SLC44A5: variants seen among roughly 807,000 people sequenced by gnomAD.
SLC44A5 encodes solute carrier family 44 member 5.
A neutral mutation model predicts 101.8 loss-of-function variants in SLC44A5; 57 were observed. The ratio of observed to expected loss-of-function variants is 0.56; its 90% CI spans 0.45 to 0.70. The LOEUF is 0.70. Ranked by LOEUF, SLC44A5 falls within the 30% of genes least tolerant of loss-of-function variation. The pLI, the probability that SLC44A5 is intolerant of heterozygous loss-of-function variation, is 0.00. For missense variants in SLC44A5, 737 were observed against 853.1 expected (o/e 0.86, Z 1.70); for synonymous variants, 281 against 290.9 (o/e 0.97, Z 0.35).
At chr1:75,452,358 T>C (rs1222777102) in intron 2 of SLC44A5, among the ~76,000 whole-genome samples, 1 of 152,072 alleles carries the variant, frequency 6.6e-6, no homozygotes, top group African/African-American at 2.4e-5. Context: ...ACTAAGGGAA[T>C]TTGCTATCAC....
At chr1:75,317,630 G>A (rs542551501) in intron 4 of SLC44A5, among the ~76,000 whole-genome samples, 2 of 152,114 alleles carry the variant, frequency 1.3e-5, no homozygotes, top group African/African-American at 4.8e-5. Context: ...AAATACCATA[G>A]GCTAGTTGGT....
intron 2 of SLC44A5, among the ~76,000 whole-genome samples, chr1:75,440,703 G>A (rs1052203766): frequency 2.0e-5 from 3 of 152,062 alleles, no homozygotes; most frequent in African/African-American, 7.2e-5. Flanking sequence ...TCTAGATTAT[G>A]GTAAACACGG....
chr1:75,340,602 C>T (rs765986340), intron 3 of SLC44A5, among the ~76,000 whole-genome samples: 2 of 152,202 alleles, frequency 1.3e-5, no homozygotes, highest in Non-Finnish European at 1.5e-5. Context: ...TTTAAGTCTA[C>T]TTTATCTGAG....
chr1:75,428,494 G>A (rs887520816), intron 2 of SLC44A5, among the ~76,000 whole-genome samples: 7 of 152,136 alleles, frequency 4.6e-5, no homozygotes, highest in South Asian at 2.1e-4. Context: ...CTCATGAAAT[G>A]TCTGCTAACT....
chr1:75,242,869 A>G lies in SLC44A5; in HGVS notation c.471+17T>C, dbSNP rs1225462776. On this transcript the variant is annotated intron_variant, in intron 8 of 23. Coordinates refer to ENST00000370859, the MANE Select transcript of SLC44A5 (RefSeq NM_001130058.2). ...AAAGTTAAATTGTTCTCTTGCTTTA[A>G]GCTTAAACACACATACCTTCACAGG... is the stretch of plus-strand genomic sequence containing the variant. 3 of 1,558,942 alleles carry G rather than the reference A, an allele frequency of 1.9e-6. No homozygotes were observed. Among genetic ancestry groups the G allele is most frequent in the Non-Finnish European group, 2.6e-6 (3 of 1,157,344 alleles).
At chr1:75,208,043 G>A (rs1396815616) in intron 23 of SLC44A5, among the ~76,000 whole-genome samples, 1 of 152,116 alleles carries the variant, frequency 6.6e-6, no homozygotes, top group Non-Finnish European at 1.5e-5. Flanking sequence ...AGTGTTGCTG[G>A]CAATTTGGAT....
rs114751222 is a variant in SLC44A5 at position 75,473,802 on chromosome 1, C to T, written c.13+67633G>A. ...TTATAAATAAGAAAATAATTTTTTC[C>T]TCTGTTGTGGCCTTTTCCAACTTTG... On this transcript the variant is annotated intron_variant, in intron 2 of 23. Transcript: ENST00000370859. Among the ~76,000 whole-genome samples the T allele has an allele frequency of 1.5e-3, 233 of 151,380 alleles. 1 individual carries two copies. Among genetic ancestry groups the T allele is most frequent in the African/African-American group, 5.4e-3 (225 of 41,312 alleles).
At chr1:75,445,921 G>A (rs1665547516) in intron 2 of SLC44A5, among the ~76,000 whole-genome samples, 2 of 152,012 alleles carry the variant, frequency 1.3e-5, no homozygotes, top group Non-Finnish European at 2.9e-5. Flanking sequence ...AGTTGCTCGG[G>A]GAAGAAACTT....
At chr1:75,557,031 C>T (rs372348636) in intron 1 of SLC44A5, among the ~76,000 whole-genome samples, 1 of 152,098 alleles carries the variant, frequency 6.6e-6, no homozygotes, top group African/African-American at 2.4e-5. Flanking sequence ...GCCTATTTGT[C>T]ATTGGCCAGA....
At chr1:75,497,530 T>C (rs1668739724) in intron 2 of SLC44A5, among the ~76,000 whole-genome samples, 1 of 152,034 alleles carries the variant, frequency 6.6e-6, no homozygotes, top group Non-Finnish European at 1.5e-5. Flanking sequence ...TGTGTCATTA[T>C]GTAGAATAAA....
chr1:75,491,450 T>G (rs1668419726), intron 2 of SLC44A5, among the ~76,000 whole-genome samples: 1 of 152,160 alleles, frequency 6.6e-6, no homozygotes, highest in Non-Finnish European at 1.5e-5. Flanking sequence ...GATTTCCTGT[T>G]ACTTATAGTT....
chr1:75,362,969 T>A lies in SLC44A5; in HGVS notation c.53-23339A>T, dbSNP rs578163827. ...GTATTGCAGTCTATATTTCCCTCAGTTCATTTAATTGCTTTATATATTTAG... is the reference window on the plus strand; with the variant it reads ...GTATTGCAGTCTATATTTCCCTCAGATCATTTAATTGCTTTATATATTTAG... On this transcript the variant is annotated intron_variant, in intron 3 of 23. Transcript: ENST00000370859. 1.3e-4 allele frequency among the ~76,000 whole-genome samples: 20 copies of A among 152,252 alleles called. 1 individual carries two copies. In the East Asian group the frequency reaches 3.9e-3, roughly 29 times the overall value.
chr1:75,363,741 A>G (rs1253546590), intron 3 of SLC44A5, among the ~76,000 whole-genome samples: 1 of 152,182 alleles, frequency 6.6e-6, no homozygotes, highest in Non-Finnish European at 1.5e-5. Context: ...TTGGAATATA[A>G]TTATGTATTA....
At chr1:75,523,310 A>G (rs1170995838) in intron 2 of SLC44A5, among the ~76,000 whole-genome samples, 3 of 152,064 alleles carry the variant, frequency 2.0e-5, no homozygotes, top group African/African-American at 4.8e-5. Flanking sequence ...TGTTCATATA[A>G]TCTTGAGCAA....
the SLC44A5 span, among the ~76,000 whole-genome samples, chr1:75,678,446 C>T: frequency 6.6e-6 from 1 of 152,028 alleles, no homozygotes; most frequent in Non-Finnish European, 1.5e-5. Context: ...TCAAGTGGGT[C>T]CCTGACCCCT....
intron 5 of SLC44A5, among the ~76,000 whole-genome samples, chr1:75,289,678 G>T (rs116207429): frequency 0.012 from 1,791 of 152,258 alleles, 52 homozygotes; most frequent in African/African-American, 0.041. Flanking sequence ...ATCATGGAAA[G>T]GTACCTTTGA....
chr1:75,401,110 C>G (rs1662448998), intron 2 of SLC44A5, among the ~76,000 whole-genome samples: 1 of 152,200 alleles, frequency 6.6e-6, no homozygotes, highest in South Asian at 2.1e-4. Context: ...CAAGACAGAG[C>G]TGATGCCAAG....
At chr1:75,484,571 C>T (rs1474271760) in intron 2 of SLC44A5, among the ~76,000 whole-genome samples, 1 of 152,188 alleles carries the variant, frequency 6.6e-6, no homozygotes, top group African/African-American at 2.4e-5. Flanking sequence ...TCCAGGTGCA[C>T]AGTGCAAGCC....
At chr1:75,518,986 A>C (rs1357980314) in intron 2 of SLC44A5, among the ~76,000 whole-genome samples, 1 of 152,214 alleles carries the variant, frequency 6.6e-6, no homozygotes, top group Non-Finnish European at 1.5e-5. Context: ...TTTAAATGGG[A>C]GAATTTTGTG....
Sources: allele counts gnomAD v4.1 joint callset (sites outside exome capture counted in the v4.1 genomes callset), GRCh38; gene constraint gnomAD v4.1.1; transcripts MANE v1.5; gene names NCBI Gene and HGNC (gene_info 2026-07-23, HGNC 2026-07-21).